Variants in ARHGAP10 observed in about 807,000 individuals in gnomAD.
The protein encoded by ARHGAP10 is Rho GTPase activating protein 10, also known as rho GTPase-activating protein 10.
A neutral mutation model predicts 108.6 loss-of-function variants in ARHGAP10; 87 were observed. The ratio of observed to expected loss-of-function variants is 0.80; its 90% confidence interval spans 0.67 to 0.96. The LOEUF (loss-of-function observed/expected upper bound fraction) is 0.96. Among genes scored for constraint, ARHGAP10 ranks in the 40% least tolerant of loss-of-function variants. ARHGAP10 has a pLI of 0.00. For synonymous variants in ARHGAP10, 347 were observed against 341.1 expected (o/e 1.02, Z -0.19); for missense variants, 939 against 954.5 (o/e 0.98, Z 0.21).
chr4:147,771,644 C>A (rs1362417785), intron 1 of ARHGAP10, among the ~76,000 whole-genome samples: 2 of 152,114 alleles, frequency 1.3e-5, no homozygotes, highest in African/African-American at 2.4e-5. Flanking sequence ...TTAGCTTTCT[C>A]CTTGCTAGAG....
chr4:147,841,832 A>G (rs1579105643), intron 3 of ARHGAP10, among the ~76,000 whole-genome samples: 1 of 152,140 alleles, frequency 6.6e-6, no homozygotes, highest in African/African-American at 2.4e-5. Context: ...GTTTTTTATA[A>G]ATGAGTTGGA....
chr4:147,781,683 T>TTC (rs1475322553), intron 1 of ARHGAP10, among the ~76,000 whole-genome samples: 4 of 144,768 alleles, frequency 2.8e-5, no homozygotes, highest in African/African-American at 1.0e-4. Flanking sequence ...TTTCTTTTCT[T>TTC]TTTTTTTTTT....
intron 3 of ARHGAP10, among the ~76,000 whole-genome samples, chr4:147,831,311 C>G (rs772878203): frequency 6.6e-6 from 1 of 152,164 alleles, no homozygotes; most frequent in Non-Finnish European, 1.5e-5. Flanking sequence ...GAGACTATAG[C>G]TGGTTTGTGT....
chr4:147,778,438 A>T (rs1004538794), intron 1 of ARHGAP10, among the ~76,000 whole-genome samples: 6 of 152,100 alleles, frequency 3.9e-5, no homozygotes, highest in Middle Eastern at 3.2e-3. Context: ...CCTGTTGGAG[A>T]CCTGCCTGCC....
At chr4:147,856,574 T>C (rs1734090330) in intron 4 of ARHGAP10, among the ~76,000 whole-genome samples, 1 of 152,228 alleles carries the variant, frequency 6.6e-6, no homozygotes, top group South Asian at 2.1e-4. Flanking sequence ...ATTAAAAATA[T>C]TGTATAAAAT....
At chr4:147,804,916 G>T (rs1428776491) in intron 1 of ARHGAP10, among the ~76,000 whole-genome samples, 2 of 152,144 alleles carry the variant, frequency 1.3e-5, no homozygotes, top group Non-Finnish European at 2.9e-5. Flanking sequence ...CTCCTATTCT[G>T]TGGGTTGTCT....
At chr4:147,913,974 G>A (rs1306487394) in intron 13 of ARHGAP10, among the ~76,000 whole-genome samples, 1 of 152,140 alleles carries the variant, frequency 6.6e-6, no homozygotes, top group Non-Finnish European at 1.5e-5. Flanking sequence ...CGAACATGGT[G>A]AAACCCCATC....
chr4:147,787,659 T>G (rs1730938615), intron 1 of ARHGAP10, among the ~76,000 whole-genome samples: 1 of 152,198 alleles, frequency 6.6e-6, no homozygotes, highest in African/African-American at 2.4e-5. Flanking sequence ...CTGAGCCCAC[T>G]GCCTTCGTGC....
At chr4:148,023,970 C>G (rs1039439148) in intron 19 of ARHGAP10, among the ~76,000 whole-genome samples, 2 of 152,244 alleles carry the variant, frequency 1.3e-5, no homozygotes, top group Admixed American at 1.3e-4. Flanking sequence ...GAAGTTCTCA[C>G]GTCCCTTCCG....
intron 13 of ARHGAP10, among the ~76,000 whole-genome samples, chr4:147,925,338 C>G (rs575220519): frequency 6.6e-6 from 1 of 152,296 alleles, no homozygotes; most frequent in East Asian, 1.9e-4. Flanking sequence ...AACATTAGGC[C>G]TTTTCTGATG....
intron 10 of ARHGAP10, among the ~76,000 whole-genome samples, chr4:147,900,133 A>G (rs1736177419): frequency 6.6e-6 from 1 of 152,208 alleles, no homozygotes; most frequent in East Asian, 1.9e-4. Context: ...TGATAGAGCT[A>G]TAGAACATGC....
At chr4:147,854,611 A>G (rs1396118702) in intron 4 of ARHGAP10, 6 of 795,752 alleles carry the variant, frequency 7.5e-6, no homozygotes, top group Non-Finnish European at 9.1e-6. Context: ...TTGGGGGAAA[A>G]AAAAAGCTCC....
chr4:147,888,429 G>C (rs1419162752), intron 10 of ARHGAP10, among the ~76,000 whole-genome samples: 1 of 152,104 alleles, frequency 6.6e-6, no homozygotes, highest in Non-Finnish European at 1.5e-5. Context: ...TTGGGAGTGG[G>C]AGTGGGGGTA....
chr4:147,732,398 A>G lies in ARHGAP10; in HGVS notation c.97A>G (p.Asn33Asp), dbSNP rs752038829. ...TCACGAAGCGGAACTCGAGAGGACC[A>G]ACAAGTTCATCAAAGAGCTCATTAA... is the stretch of plus-strand genomic sequence containing the variant. ...RAHEAELERT[N>D]KFIKELIKDG... Residue 33 changes from asparagine to aspartate, a missense_variant, in exon 1 of 23, where the codon AAC becomes GAC. Transcript: ENST00000336498. The G allele has an allele frequency of 6.2e-7, 1 of 1,613,288 alleles. No individual in the cohort carries two copies. The highest frequency in any genetic ancestry group is 1.3e-5 in the African/African-American group (1 of 74,830).
intron 1 of ARHGAP10, among the ~76,000 whole-genome samples, chr4:147,801,495 A>G (rs1454001049): frequency 1.3e-5 from 2 of 152,236 alleles, no homozygotes; most frequent in Non-Finnish European, 2.9e-5. Context: ...CAATTATATT[A>G]AGAGTGAATA....
At chr4:147,858,502 G>T (rs1734186607) in intron 5 of ARHGAP10, 1 of 152,178 alleles carries the variant, frequency 6.6e-6, no homozygotes, top group Non-Finnish European at 1.5e-5. Context: ...CTCTGTGTGT[G>T]TATGGTTTGT....
intron 5 of ARHGAP10, chr4:147,862,311 G>T (rs946093364): frequency 6.5e-6 from 1 of 152,718 alleles, no homozygotes; most frequent in Admixed American, 6.5e-5. Context: ...AGGCCAGGGA[G>T]CAGGAGCAGG....
At chr4:147,758,611 T>A (rs1729470576) in intron 1 of ARHGAP10, among the ~76,000 whole-genome samples, 1 of 152,144 alleles carries the variant, frequency 6.6e-6, no homozygotes, top group African/African-American at 2.4e-5. Context: ...CCATTCTTTG[T>A]CCCCTGTGCC....
rs963716126 is a variant in ARHGAP10, at chr4:148,028,530, A to G, written c.1867+5117A>G. 2.7e-4 allele frequency among the ~76,000 whole-genome samples: 41 copies of G among 152,244 alleles called. 1 individual carries two copies. The highest frequency in any genetic ancestry group is 7.3e-5 in the Non-Finnish European group (5 of 68,044). ...ATGTGTTTAGCCTAACGTCTGGCAC[A>G]TAGTAAGCACTCGAACTCTAGCTGC... On this transcript the variant is annotated intron_variant, in intron 19 of 22. Coordinates refer to ENST00000336498, the MANE Select transcript of ARHGAP10 (RefSeq NM_024605.4).
Sources: gnomAD v4.1 joint callset for allele counts (sites outside exome capture counted in the v4.1 genomes callset) on GRCh38, gnomAD v4.1.1 for gene constraint, MANE v1.5 for transcripts, NCBI Gene and HGNC (gene_info 2026-07-23, HGNC 2026-07-21) for gene names.